SLC28A3: variants seen among roughly 807,000 people sequenced by gnomAD.
The protein encoded by SLC28A3 is concentrative Na(+)-nucleoside cotransporter 3.
In SLC28A3, 68 loss-of-function variants were observed where a neutral mutation model predicts 84.2. The ratio of observed to expected loss-of-function variants is 0.81; its 90% CI spans 0.66 to 0.99. The LOEUF (loss-of-function observed/expected upper bound fraction) is 0.99, where lower values mean the gene tolerates loss of function less well. Ranked by LOEUF, SLC28A3 falls within the 50% of genes least tolerant of loss-of-function variation. The pLI is 0.00. For synonymous variants in SLC28A3, 267 were observed against 303.6 expected, an observed-to-expected ratio of 0.88 and a Z score of 1.25; for missense variants, 712 against 841.5, an observed-to-expected ratio of 0.85 and a Z score of 1.90.
chr9:84,325,581 C>G (rs372916608), intron 1 of SLC28A3, among the ~76,000 whole-genome samples: 1 of 152,170 alleles, frequency 6.6e-6, no homozygotes, highest in Non-Finnish European at 1.5e-5. Context: ...GTTTCCAGCT[C>G]CTAGCATAAT....
chr9:84,336,173 T>C (rs938848033), intron 1 of SLC28A3, among the ~76,000 whole-genome samples: 1 of 151,928 alleles, frequency 6.6e-6, no homozygotes, highest in Non-Finnish European at 1.5e-5. Context: ...GAGATCAGCC[T>C]GGGCAACATG....
At chr9:84,286,150 T>C in intron 12 of SLC28A3, 39 bp from the exon 13 acceptor site, 1 of 1,597,520 alleles carries the variant, frequency 6.3e-7, no homozygotes, top group Non-Finnish European at 8.6e-7. Flanking sequence ...TACCAAGGAG[T>C]TGTCAGGGGA....
In SLC28A3 at chr9:84,275,929, G is replaced by GACA. The variant is rs1397217286; in HGVS notation, c.*2286_*2288dup. The GACA allele has an allele frequency of 6.6e-6, 1 of 152,124 alleles. No homozygotes were observed. The highest frequency in any genetic ancestry group is 2.4e-5 in the African/African-American group (1 of 41,410). The allele number at this position is 152,124 out of a possible 1,614,324, so 9.4% of individuals were successfully genotyped here. On this transcript the variant is annotated 3_prime_UTR_variant, in exon 18 of 18. Transcript: ENST00000376238. ...TCATATCAAAGCAGGTAAAAATTAA[G>GACA]ACAACATATTTCTCCAAAAACCAGT...
chr9:84,277,890 T>G lies in SLC28A3; in HGVS notation c.*328A>C. The G allele has an allele frequency of 8.2e-6, 2 of 245,014 alleles. No homozygotes were observed. Among genetic ancestry groups the G allele is most frequent in the Non-Finnish European group, 8.0e-6 (1 of 124,406 alleles). 15.2% of individuals were successfully genotyped at this position (245,014 alleles called of 1,614,324 possible). On this transcript the variant is annotated 3_prime_UTR_variant, in exon 18 of 18. Coordinates refer to ENST00000376238, the MANE Select transcript of SLC28A3 (RefSeq NM_001199633.2). The stretch of plus-strand genomic sequence containing the variant: ...TGGGTGTGGGTGAGTCAGAGCCCAG[T>G]TGTTGGGAGCGGCCGTTTATAGCTG...
intron 1 of SLC28A3, among the ~76,000 whole-genome samples, chr9:84,322,651 C>T (rs576689448): frequency 4.1e-4 from 63 of 152,112 alleles, no homozygotes; most frequent in Non-Finnish European, 7.5e-4. Flanking sequence ...CCCAGACCAG[C>T]CTGGCCAACA....
chr9:84,333,012 C>A (rs1295239309), intron 1 of SLC28A3, among the ~76,000 whole-genome samples: 1 of 152,008 alleles, frequency 6.6e-6, no homozygotes, highest in Non-Finnish European at 1.5e-5. Context: ...GATTTATTTG[C>A]CAAAGTTAAG....
In SLC28A3 at chr9:84,297,982, T is replaced by C. The variant is rs1284917103; in HGVS notation, c.707A>G (p.Gln236Arg). 4 of 1,612,800 alleles carry C rather than the reference T, an allele frequency of 2.5e-6. No individual in the cohort carries two copies. The highest frequency in any genetic ancestry group is 8.5e-7 in the Non-Finnish European group (1 of 1,179,782). ...TAGAATCAAGAGCCCAAGAAGAAAC[T>C]GTAGCCCGATTCCCCATAAGACAGG... is the stretch of plus-strand genomic sequence containing the variant. ...WRPVLWGIGL[Q>R]FLLGLLILRT... is the part of the protein sequence containing the mutation. Residue 236 changes from glutamine to arginine, a missense_variant, in exon 7 of 18, where the codon CAG (glutamine) becomes CGG (arginine). Coordinates refer to ENST00000376238, the MANE Select transcript of SLC28A3 (RefSeq NM_001199633.2).
At chr9:84,314,788 T>C (rs1826109117) in intron 1 of SLC28A3, among the ~76,000 whole-genome samples, 1 of 152,196 alleles carries the variant, frequency 6.6e-6, no homozygotes, top group African/African-American at 2.4e-5. Flanking sequence ...GGTATAAAAA[T>C]ACAGCATGGG....
intron 3 of SLC28A3, 98 bp downstream of exon 3, chr9:84,309,523 CAAAAAAAA>C (rs71366931): frequency 9.4e-4 from 226 of 239,194 alleles, no homozygotes; most frequent in African/African-American, 2.6e-3. Flanking sequence ...ACTCTTATCT[CAAAAAAAA>C]AAAAAAAAAA....
rs774849191 is a variant in SLC28A3, at chr9:84,299,619, T to C, written c.631A>G (p.Ile211Val). 6.2e-7 allele frequency: 1 copy of C among 1,613,856 alleles called. No individual in the cohort carries two copies. The highest frequency in any genetic ancestry group is 1.1e-5 in the South Asian group (1 of 91,012). The change falls in exon 6 of 18, where the codon ATT becomes GTT. Residue 211 changes from isoleucine (I) to valine (V), a missense_variant. Transcript: ENST00000376238. ...LVSFGGLIMYIVLLFLFSKYP... is the reference protein window; with the variant it reads ...LVSFGGLIMYVVLLFLFSKYP... ...TTGGAAAATAGAAATAACAGGACAA[T>C]GTACATTATGAGCCCACCGAAGGAC...
At chr9:84,301,349 C>CAAAA (rs59917986) in intron 5 of SLC28A3, among the ~76,000 whole-genome samples, 43 of 44,626 alleles carry the variant, frequency 9.6e-4, no homozygotes, top group Non-Finnish European at 1.7e-3. Flanking sequence ...GACTCTGTCT[C>CAAAA]AAAAAAAAAA....
At chr9:84,334,749 A>ATT in intron 1 of SLC28A3, among the ~76,000 whole-genome samples, 1 of 146,378 alleles carries the variant, frequency 6.8e-6, no homozygotes, top group East Asian at 2.0e-4. Context: ...TTCTGCTACC[A>ATT]TTTTTCCTAG....
upstream of SLC28A3, among the ~76,000 whole-genome samples, chr9:84,342,719 G>T (rs992982471): frequency 6.6e-6 from 1 of 152,040 alleles, no homozygotes; most frequent in Non-Finnish European, 1.5e-5. Flanking sequence ...CTGGCCACAA[G>T]TGAATTTTAA....
chr9:84,286,374 C>G (rs555081384), intron 12 of SLC28A3, among the ~76,000 whole-genome samples: 2 of 151,224 alleles, frequency 1.3e-5, no homozygotes, highest in South Asian at 2.1e-4. Flanking sequence ...CTTATTGGAG[C>G]CTCCAACTCC....
upstream of SLC28A3, among the ~76,000 whole-genome samples, chr9:84,343,962 G>A (rs774355785): frequency 3.3e-5 from 5 of 151,974 alleles, no homozygotes; most frequent in Admixed American, 2.6e-4. Context: ...GTGGTGGTAC[G>A]TGCCTGTAGT....
At chr9:84,300,570 T>C (rs936507732) in intron 5 of SLC28A3, among the ~76,000 whole-genome samples, 2 of 152,198 alleles carry the variant, frequency 1.3e-5, no homozygotes, top group African/African-American at 4.8e-5. Context: ...AGTGTTGGGA[T>C]TGCACAAGCC....
chr9:84,368,478 T>TCCCA, the SLC28A3 span, among the ~76,000 whole-genome samples: 1 of 152,100 alleles, frequency 6.6e-6, no homozygotes, highest in Non-Finnish European at 1.5e-5. Context: ...GTTGTTCAGG[T>TCCCA]CCCAAGCGCT....
chr9:84,361,131 G>A, the SLC28A3 span, among the ~76,000 whole-genome samples: 1 of 152,008 alleles, frequency 6.6e-6, no homozygotes, highest in African/African-American at 2.4e-5. Flanking sequence ...AGATCACAAG[G>A]TCAGGAGATA....
At chr9:84,286,321 CT>C (rs1455116739) in intron 12 of SLC28A3, among the ~76,000 whole-genome samples, 3 of 151,750 alleles carry the variant, frequency 2.0e-5, no homozygotes, top group African/African-American at 7.3e-5. Context: ...GAGATAGGGT[CT>C]TGTTCTGTGT....
Sources: allele counts gnomAD v4.1 joint callset (sites outside exome capture counted in the v4.1 genomes callset), GRCh38; gene constraint gnomAD v4.1.1; transcripts MANE v1.5; gene names NCBI Gene and HGNC (gene_info 2026-07-23, HGNC 2026-07-21).